Variants in RIN2 observed in about 807,000 individuals in gnomAD.
RIN2 encodes Ras and Rab interactor 2.
A neutral mutation model predicts 78.0 loss-of-function variants in RIN2; 36 were observed. The ratio of observed to expected loss-of-function variants is 0.46; its 90% CI spans 0.35 to 0.61. The LOEUF (loss-of-function observed/expected upper bound fraction) is 0.61. Among genes scored for constraint, RIN2 ranks in the 20% least tolerant of loss-of-function variants. The probability of loss-of-function intolerance (pLI) is 0.00; values close to 1 mark genes in which losing one functional copy is unlikely to be tolerated. For missense variants in RIN2, 1,087 were observed against 1,159.7 expected (o/e 0.94, Z 0.91); for synonymous variants, 466 against 466.8 (o/e 1.00, Z 0.02).
chr20:19,817,491 G>C (rs893949873), intron 2 of RIN2, among the ~76,000 whole-genome samples: 1 of 151,856 alleles, frequency 6.6e-6, no homozygotes, highest in Non-Finnish European at 1.5e-5. Context: ...TGGGGATTCG[G>C]TTTCAATGTA....
At chr20:19,780,779 GA>G (rs2034474266) in intron 1 of RIN2, among the ~76,000 whole-genome samples, 1 of 152,214 alleles carries the variant, frequency 6.6e-6, no homozygotes, top group Non-Finnish European at 1.5e-5. Flanking sequence ...TATGTAAAAT[GA>G]AAATAAGAAT....
At chr20:19,810,066 T>G (rs2035538880) in intron 2 of RIN2, among the ~76,000 whole-genome samples, 1 of 151,544 alleles carries the variant, frequency 6.6e-6, no homozygotes, top group African/African-American at 2.4e-5. Context: ...GCCCTTTGGC[T>G]CCTAGGGCTC....
At chr20:19,960,550 A>T (rs2146257165) in intron 5 of RIN2, 150 bp from the exon 6 acceptor site, 1 of 649,164 alleles carries the variant, frequency 1.5e-6, no homozygotes, top group South Asian at 1.8e-5. Context: ...TGCTCTGAGC[A>T]CCCCTTTCTA....
In RIN2 at chr20:20,001,746, G is replaced by A. The variant is rs2043148316; in HGVS notation, c.*810G>A. ...TTTTGTTTTTTAAACAAATGATGCT[G>A]AGAATAAGGAGAGAAATGAATGTAG... On this transcript the variant is annotated 3_prime_UTR_variant, in exon 13 of 13. Transcript: ENST00000255006. The A allele has an allele frequency of 1.3e-5, 2 of 152,566 alleles. No individual in the cohort carries two copies. The highest frequency in any genetic ancestry group is 4.1e-4 in the South Asian group (2 of 4,820). 9.5% of individuals were successfully genotyped at this position (152,566 alleles called of 1,614,324 possible).
At chr20:19,761,128 C>T (rs759216735) in intron 1 of RIN2, among the ~76,000 whole-genome samples, 39 of 152,212 alleles carry the variant, frequency 2.6e-4, no homozygotes, top group Non-Finnish European at 4.6e-4. Context: ...TTTTGTAGCA[C>T]ATTATAAAAT....
intron 1 of RIN2, among the ~76,000 whole-genome samples, chr20:19,796,124 A>T (rs1232808807): frequency 1.3e-5 from 2 of 152,188 alleles, no homozygotes; most frequent in Admixed American, 1.3e-4. Context: ...GTTAGGGCAA[A>T]GTGTAACACA....
In RIN2 at chr20:19,838,574, G is replaced by A. The variant is rs188803685; in HGVS notation, c.-37+38827G>A. On this transcript the variant is annotated intron_variant, in intron 2 of 12. Transcript: ENST00000255006. ...GAATAATGCTGTGTGACCCTGGGAG[G>A]ATCGTGTGTGGCTGTAGCCACTCCC... 1.0e-3 allele frequency among the ~76,000 whole-genome samples: 155 copies of A among 152,248 alleles called. 1 individual carries two copies. The highest frequency in any genetic ancestry group is 1.3e-3 in the Non-Finnish European group (86 of 68,032).
chr20:19,772,112 T>G (rs1313578717), intron 1 of RIN2, among the ~76,000 whole-genome samples: 1 of 152,186 alleles, frequency 6.6e-6, no homozygotes, highest in Non-Finnish European at 1.5e-5. Context: ...ACTGCAGCAA[T>G]TGTCCCGCTC....
chr20:19,932,615 C>A (rs2040483765), intron 3 of RIN2, among the ~76,000 whole-genome samples: 2 of 152,154 alleles, frequency 1.3e-5, no homozygotes. Context: ...AAGGGCTTGG[C>A]TGGCTTCCCT....
chr20:19,786,192 G>A (rs1809181785), intron 1 of RIN2, among the ~76,000 whole-genome samples: 1 of 152,150 alleles, frequency 6.6e-6, no homozygotes, highest in South Asian at 2.1e-4. Flanking sequence ...GTGGGTTTGT[G>A]TCTCACTTGT....
chr20:19,792,469 A>G (rs1273664166), intron 1 of RIN2, among the ~76,000 whole-genome samples: 2 of 152,162 alleles, frequency 1.3e-5, no homozygotes, highest in African/African-American at 2.4e-5. Context: ...TGGTAATAGG[A>G]TGTAATGAGT....
chr20:19,963,371 T>C (rs746355556), intron 6 of RIN2, among the ~76,000 whole-genome samples: 1 of 151,884 alleles, frequency 6.6e-6, no homozygotes, highest in Non-Finnish European at 1.5e-5. Context: ...CCCAGCACTT[T>C]GGGAGGCTGA....
At chr20:19,904,038 G>A (rs1452773341) in intron 3 of RIN2, among the ~76,000 whole-genome samples, 1 of 151,856 alleles carries the variant, frequency 6.6e-6, no homozygotes, top group African/African-American at 2.4e-5. Flanking sequence ...ATCACTTGAG[G>A]TCAGGAGTTC....
intron 1 of RIN2, among the ~76,000 whole-genome samples, chr20:19,787,395 C>T (rs561606057): frequency 2.7e-5 from 4 of 146,078 alleles, no homozygotes; most frequent in African/African-American, 1.0e-4. Context: ...TGCACTCCTG[C>T]CTGGGCGACA....
intron 3 of RIN2, among the ~76,000 whole-genome samples, chr20:19,931,975 C>T (rs931055290): frequency 6.6e-6 from 1 of 152,210 alleles, no homozygotes; most frequent in African/African-American, 2.4e-5. Flanking sequence ...TTTAACCCTA[C>T]AAGATGTTGC....
chr20:19,797,718 A>C (rs2035102374), intron 1 of RIN2, among the ~76,000 whole-genome samples: 1 of 152,214 alleles, frequency 6.6e-6, no homozygotes, highest in Non-Finnish European at 1.5e-5. Context: ...AATCTGGATT[A>C]AGAAGGAAAG....
chr20:19,767,219 A>C (rs2122361077), intron 1 of RIN2, among the ~76,000 whole-genome samples: 1 of 152,336 alleles, frequency 6.6e-6, no homozygotes, highest in African/African-American at 2.4e-5. Context: ...TTGAGTGCGA[A>C]CAGACTGCTT....
chr20:19,967,699 T>G (rs1244939874), intron 7 of RIN2, among the ~76,000 whole-genome samples: 1 of 152,206 alleles, frequency 6.6e-6, no homozygotes, highest in African/African-American at 2.4e-5. Flanking sequence ...CTAGAGTCAT[T>G]TGGAGTCTTG....
Position 20,000,739 on chromosome 20 carries a change from C to G in RIN2, c.2491C>G (p.Pro831Ala). The change falls in exon 13 of 13, where the codon CCT becomes GCT. Residue 831 changes from proline (P) to alanine (A), a missense_variant. Coordinates refer to ENST00000255006, the MANE Select transcript of RIN2 (RefSeq NM_018993.4). Reference sequence around the variant, plus strand: ...CGCTGAGAAGTTCAAGGTGGGGGACCCTGAGGAGTACAGCCTCTTTCTCTT... The same window carrying G: ...CGCTGAGAAGTTCAAGGTGGGGGACGCTGAGGAGTACAGCCTCTTTCTCTT... The part of the protein sequence containing the change: ...ICAEKFKVGD[P>A]EEYSLFLFVD... The G allele has an allele frequency of 6.2e-7, 1 of 1,613,898 alleles. No individual in the cohort carries two copies. The highest frequency in any genetic ancestry group is 1.1e-5 in the South Asian group (1 of 91,084).
Sources: gnomAD v4.1 joint callset for allele counts (sites outside exome capture counted in the v4.1 genomes callset) on GRCh38, gnomAD v4.1.1 for gene constraint, MANE v1.5 for transcripts, NCBI Gene and HGNC (gene_info 2026-07-23, HGNC 2026-07-21) for gene names.